The following CFAP299 variants were observed in gnomAD, a reference collection of about 807,000 sequenced individuals.
CFAP299 encodes cilia and flagella associated protein 299, also known as cilia- and flagella-associated protein 299.
CFAP299 carries 21 observed loss-of-function variants against 27.0 expected under a neutral mutation model. The ratio of observed to expected loss-of-function variants is 0.78; its 90% CI spans 0.55 to 1.12. CFAP299 has a LOEUF of 1.12. CFAP299 is among the 50% of genes most tolerant of loss of function. The probability of loss-of-function intolerance (pLI) is 0.00; values close to 1 mark genes in which losing one functional copy is unlikely to be tolerated. For synonymous variants in CFAP299, 104 were observed against 98.1 expected, an observed-to-expected ratio of 1.06 and a Z score of -0.36; for missense variants, 310 against 276.6, an observed-to-expected ratio of 1.12 and a Z score of -0.86.
chr4:80,923,037 A>G (rs766953624), intron 4 of CFAP299, among the ~76,000 whole-genome samples: 1 of 151,982 alleles, frequency 6.6e-6, no homozygotes, highest in African/African-American at 2.4e-5. Flanking sequence ...CATGCTGGCT[A>G]TTTGCTAAAC....
At chr4:80,435,035 A>C (rs2110081544) in intron 2 of CFAP299, among the ~76,000 whole-genome samples, 1 of 152,336 alleles carries the variant, frequency 6.6e-6, no homozygotes, top group East Asian at 1.9e-4. Flanking sequence ...AAAGGAATAC[A>C]GTTCTGTTAA....
At chr4:80,862,223 A>G (rs970495578) in intron 3 of CFAP299, among the ~76,000 whole-genome samples, 1 of 152,058 alleles carries the variant, frequency 6.6e-6, no homozygotes, top group African/African-American at 2.4e-5. Flanking sequence ...TACAAAAATT[A>G]GCTTGGAGCA....
chr4:80,459,104 C>CCTAA (rs1340772704), intron 2 of CFAP299, among the ~76,000 whole-genome samples: 1 of 152,118 alleles, frequency 6.6e-6, no homozygotes, highest in Non-Finnish European at 1.5e-5. Flanking sequence ...CCTCAGCCTC[C>CCTAA]CTAACAGTTA....
intron 2 of CFAP299, among the ~76,000 whole-genome samples, chr4:80,504,498 TA>T (rs1560598375): frequency 2.9e-4 from 38 of 131,250 alleles, no homozygotes; most frequent in Non-Finnish European, 4.8e-4. Context: ...TATATATATA[TA>T]TATATATTTT....
intron 2 of CFAP299, among the ~76,000 whole-genome samples, chr4:80,466,181 T>A (rs1228322615): frequency 6.6e-6 from 1 of 152,214 alleles, no homozygotes; most frequent in African/African-American, 2.4e-5. Context: ...AAAATAGCTT[T>A]GATGTAATGT....
chr4:80,440,047 C>G (rs187368425), intron 2 of CFAP299, among the ~76,000 whole-genome samples: 1 of 152,268 alleles, frequency 6.6e-6, no homozygotes, highest in Non-Finnish European at 1.5e-5. Context: ...AGGCAGCAGC[C>G]CCCATCAGGG....
the CFAP299 span, among the ~76,000 whole-genome samples, chr4:80,322,693 G>A: frequency 6.6e-6 from 1 of 152,152 alleles, no homozygotes; most frequent in East Asian, 1.9e-4. Context: ...AGTAGGAAAA[G>A]GTAGGAATAG....
intron 1 of CFAP299, among the ~76,000 whole-genome samples, chr4:80,354,181 A>G (rs148723676): frequency 1.2e-3 from 185 of 152,268 alleles, no homozygotes; most frequent in African/African-American, 4.3e-3. Flanking sequence ...GGTGAATCTC[A>G]CTAGTAATCA....
chr4:80,338,276 A>G (rs1341475631), intron 1 of CFAP299, among the ~76,000 whole-genome samples: 1 of 152,220 alleles, frequency 6.6e-6, no homozygotes, highest in Non-Finnish European at 1.5e-5. Flanking sequence ...TACCTCACAT[A>G]ATTATCATTT....
At chr4:80,420,101 G>T in intron 2 of CFAP299, 3 of 431,152 alleles carry the variant, frequency 7.0e-6, no homozygotes, top group South Asian at 5.0e-5. Context: ...ATCATGGGAG[G>T]GGGAGAAGAG....
intron 3 of CFAP299, among the ~76,000 whole-genome samples, chr4:80,640,965 T>C (rs562536585): frequency 6.6e-6 from 1 of 152,298 alleles, no homozygotes; most frequent in South Asian, 2.1e-4. Context: ...TAATTAAAAT[T>C]GGGTAATTGT....
chr4:80,877,211 T>C (rs1160223294), intron 4 of CFAP299, among the ~76,000 whole-genome samples: 1 of 152,194 alleles, frequency 6.6e-6, no homozygotes, highest in East Asian at 1.9e-4. Context: ...AATTTTGTAA[T>C]ATCTACTTGG....
At chr4:80,807,250 C>T (rs573328070) in intron 3 of CFAP299, among the ~76,000 whole-genome samples, 2 of 152,014 alleles carry the variant, frequency 1.3e-5, no homozygotes, top group East Asian at 3.9e-4. Context: ...TATAATTTTG[C>T]CTACAGATAA....
chr4:80,453,443 T>C (rs1488542927), intron 2 of CFAP299, among the ~76,000 whole-genome samples: 1 of 152,192 alleles, frequency 6.6e-6, no homozygotes, highest in Admixed American at 6.5e-5. Context: ...TAACCCCTAA[T>C]TTAATTAGTA....
At chr4:80,924,538 G>GTGTATATATATATATATATATA (rs5859742) in intron 4 of CFAP299, among the ~76,000 whole-genome samples, 2 of 131,670 alleles carry the variant, frequency 1.5e-5, no homozygotes, top group African/African-American at 6.3e-5. Context: ...GTGTGTGTGT[G>GTGTATATATATATATATATATA]TATATATATA....
chr4:80,445,452 C>T (rs992850887), intron 2 of CFAP299, among the ~76,000 whole-genome samples: 1 of 152,126 alleles, frequency 6.6e-6, no homozygotes, highest in African/African-American at 2.4e-5. Flanking sequence ...CATATTCTCA[C>T]TTATAAGTGG....
At chr4:80,666,232 G>C (rs78196937) in intron 3 of CFAP299, among the ~76,000 whole-genome samples, 6,310 of 152,126 alleles carry the variant, frequency 0.041, 295 homozygotes, top group East Asian at 0.22. Context: ...GAAGCTTTCT[G>C]TTTCTCTGCT....
intron 3 of CFAP299, among the ~76,000 whole-genome samples, chr4:80,867,965 A>G (rs1218646940): frequency 2.0e-5 from 3 of 152,108 alleles, no homozygotes; most frequent in Admixed American, 2.0e-4. Flanking sequence ...ATATCCCACT[A>G]TAATTTAAAG....
intron 3 of CFAP299, among the ~76,000 whole-genome samples, chr4:80,714,958 G>A (rs1722393688): frequency 6.6e-6 from 1 of 151,964 alleles, no homozygotes; most frequent in Non-Finnish European, 1.5e-5. Context: ...TCTTATAATT[G>A]CATTTAATCA....
Sources: allele counts gnomAD v4.1 joint callset (sites outside exome capture counted in the v4.1 genomes callset), GRCh38; gene constraint gnomAD v4.1.1; transcripts MANE v1.5; gene names NCBI Gene and HGNC (gene_info 2026-07-23, HGNC 2026-07-21).